Variants in SUGCT observed in about 807,000 individuals in gnomAD.
SUGCT encodes succinyl-CoA:glutarate-CoA transferase.
In SUGCT, 41 loss-of-function variants were observed where a neutral mutation model predicts 55.0. The ratio of observed to expected loss-of-function variants is 0.74; its 90% CI spans 0.58 to 0.97. The LOEUF is 0.97. Among genes scored for constraint, SUGCT ranks in the 50% least tolerant of loss-of-function variants. The pLI is 0.00. For missense variants in SUGCT, 568 were observed against 547.8 expected, an observed-to-expected ratio of 1.04 and a Z score of -0.37; for synonymous variants, 187 against 200.4, an observed-to-expected ratio of 0.93 and a Z score of 0.56.
chr7:41,031,382 G>T, the SUGCT span, among the ~76,000 whole-genome samples: 1 of 152,068 alleles, frequency 6.6e-6, no homozygotes, highest in East Asian at 1.9e-4. Context: ...GACTGAGAAA[G>T]AAAATTATCT....
At chr7:40,628,780 A>T (rs1799646231) in intron 12 of SUGCT, among the ~76,000 whole-genome samples, 1 of 151,686 alleles carries the variant, frequency 6.6e-6, no homozygotes, top group South Asian at 2.1e-4. Context: ...TCACTCTGCC[A>T]CCCAGGCTGG....
intron 12 of SUGCT, among the ~76,000 whole-genome samples, chr7:40,667,770 A>G (rs1584242403): frequency 6.6e-6 from 1 of 151,864 alleles, no homozygotes; most frequent in South Asian, 2.1e-4. Context: ...GATCTTTTGT[A>G]TTTCTGCAGC....
At chr7:40,636,014 A>G (rs1031300989) in intron 12 of SUGCT, among the ~76,000 whole-genome samples, 2 of 152,232 alleles carry the variant, frequency 1.3e-5, no homozygotes, top group Non-Finnish European at 2.9e-5. Flanking sequence ...TTCAGCTGAT[A>G]TATACCTATG....
intron 12 of SUGCT, among the ~76,000 whole-genome samples, chr7:40,527,498 A>G (rs1793866793): frequency 6.6e-6 from 1 of 152,128 alleles, no homozygotes; most frequent in South Asian, 2.1e-4. Context: ...ACCAAATATG[A>G]GCATGTGGGG....
At chr7:40,777,690 C>A (rs1434302685) in intron 13 of SUGCT, among the ~76,000 whole-genome samples, 1 of 152,058 alleles carries the variant, frequency 6.6e-6, no homozygotes, top group Non-Finnish European at 1.5e-5. Context: ...GGTTGGACTA[C>A]CCCAGAAGAT....
chr7:40,941,785 C>T, the SUGCT span, among the ~76,000 whole-genome samples: 131 of 152,146 alleles, frequency 8.6e-4, 1 homozygote, highest in African/African-American at 2.9e-3. Context: ...ATTGTAATAT[C>T]TTGTTGTTAA....
At position 40,449,185 on chromosome 7, in the gene SUGCT, A is replaced by G. The variant is rs1411713837; in HGVS notation, c.817-102A>G. The G allele has an allele frequency of 1.4e-5, 10 of 700,484 alleles. No individual in the cohort carries two copies. In the Admixed American group the frequency reaches 2.2e-4, roughly 15 times the overall value. The allele number at this position is 700,484 out of a possible 1,614,324, so 43.4% of individuals were successfully genotyped here. A position where few individuals can be genotyped will look rare whatever the true frequency, so the allele number is the denominator to read the frequency against. ...AATTAATCGATATTGAATTAATAACATTGCTTTAGAACAAGCTTTCTATAT... is the reference window on the plus strand; with the variant it reads ...AATTAATCGATATTGAATTAATAACGTTGCTTTAGAACAAGCTTTCTATAT... On this transcript the variant is annotated intron_variant, in intron 9 of 13. Coordinates refer to ENST00000335693, the MANE Select transcript of SUGCT (RefSeq NM_001193313.2).
intron 12 of SUGCT, among the ~76,000 whole-genome samples, chr7:40,537,902 T>C (rs184898183): frequency 6.6e-6 from 1 of 152,294 alleles, no homozygotes; most frequent in Admixed American, 6.5e-5. Flanking sequence ...AATGTATATA[T>C]GTTTTATATA....
At chr7:40,274,073 C>CT (rs386409972) in intron 7 of SUGCT, among the ~76,000 whole-genome samples, 13,602 of 66,954 alleles carry the variant, frequency 0.2, 1,756 homozygotes, top group East Asian at 0.29. Context: ...TTTTTACCTT[C>CT]TTTTTTTTTT....
At chr7:40,592,243 T>C (rs940868475) in intron 12 of SUGCT, among the ~76,000 whole-genome samples, 1 of 152,196 alleles carries the variant, frequency 6.6e-6, no homozygotes. Flanking sequence ...ATTTAGCTAT[T>C]GTTAACTGAG....
intron 12 of SUGCT, among the ~76,000 whole-genome samples, chr7:40,537,838 C>T (rs746738564): frequency 7.9e-5 from 12 of 152,026 alleles, no homozygotes; most frequent in East Asian, 1.9e-4. Context: ...TAATCTTAGA[C>T]GATTTAACTA....
At chr7:40,740,709 T>C (rs1289833554) in intron 12 of SUGCT, among the ~76,000 whole-genome samples, 1 of 152,038 alleles carries the variant, frequency 6.6e-6, no homozygotes, top group Non-Finnish European at 1.5e-5. Context: ...CCCTAACTTG[T>C]GACCTTTTAT....
intron 11 of SUGCT, among the ~76,000 whole-genome samples, chr7:40,492,353 G>C (rs1217588594): frequency 1.3e-5 from 2 of 152,094 alleles, no homozygotes; most frequent in Non-Finnish European, 2.9e-5. Flanking sequence ...GATTTTGGAT[G>C]CATCAGAGGC....
chr7:40,454,477 T>G (rs191134928), intron 10 of SUGCT, among the ~76,000 whole-genome samples: 1 of 152,180 alleles, frequency 6.6e-6, no homozygotes, highest in African/African-American at 2.4e-5. Flanking sequence ...TATAGCCTGC[T>G]ACACACATAG....
chr7:40,269,442 T>C (rs1027566083), intron 7 of SUGCT, among the ~76,000 whole-genome samples: 1 of 152,048 alleles, frequency 6.6e-6, no homozygotes, highest in Admixed American at 6.6e-5. Flanking sequence ...TTTGCCTCAG[T>C]GTCCCTAGTA....
chr7:40,428,590 T>G (rs1787724380), intron 9 of SUGCT, among the ~76,000 whole-genome samples: 1 of 151,926 alleles, frequency 6.6e-6, no homozygotes, highest in Non-Finnish European at 1.5e-5. Context: ...TAGCAATACA[T>G]TTTAAGCTGA....
At chr7:40,161,288 G>A (rs1472597938) in intron 1 of SUGCT, among the ~76,000 whole-genome samples, 1 of 152,082 alleles carries the variant, frequency 6.6e-6, no homozygotes, top group Non-Finnish European at 1.5e-5. Context: ...TCGCCCCCAC[G>A]TTTCTTCCAA....
chr7:40,437,553 G>A (rs1788245930), intron 9 of SUGCT, among the ~76,000 whole-genome samples: 1 of 152,162 alleles, frequency 6.6e-6, no homozygotes, highest in South Asian at 2.1e-4. Context: ...TACCATTTGT[G>A]GCATTGTTCC....
intron 9 of SUGCT, among the ~76,000 whole-genome samples, chr7:40,348,835 T>G (rs1388320597): frequency 6.6e-6 from 1 of 152,180 alleles, no homozygotes. Context: ...TTGTAATTTC[T>G]TTTGACTTCT....
Sources: gnomAD v4.1 joint callset for allele counts (sites outside exome capture counted in the v4.1 genomes callset) on GRCh38, gnomAD v4.1.1 for gene constraint, MANE v1.5 for transcripts, NCBI Gene and HGNC (gene_info 2026-07-23, HGNC 2026-07-21) for gene names.